SCARA5: variants seen among roughly 807,000 people sequenced by gnomAD.
The protein encoded by SCARA5 is scavenger receptor class A, member 5 (putative).
A neutral mutation model predicts 46.3 loss-of-function variants in SCARA5; 45 were observed. The ratio of observed to expected loss-of-function variants is 0.97; its 90% CI spans 0.76 to 1.24. SCARA5 has a LOEUF of 1.24. Among genes scored for constraint, SCARA5 ranks in the 50% most tolerant of loss-of-function variants. The probability of loss-of-function intolerance (pLI) is 0.00; values close to 1 mark genes in which losing one functional copy is unlikely to be tolerated. For synonymous variants in SCARA5, 333 were observed against 306.5 expected (o/e 1.09, Z -0.90); for missense variants, 680 against 689.0 (o/e 0.99, Z 0.15).
intron 2 of SCARA5, among the ~76,000 whole-genome samples, chr8:27,973,315 A>G (rs1423513640): frequency 1.3e-5 from 2 of 152,022 alleles, no homozygotes; most frequent in Non-Finnish European, 2.9e-5. Flanking sequence ...CATCTCTACT[A>G]AAAATACAAA....
At chr8:27,915,643 C>G (rs1807449428) in intron 4 of SCARA5, among the ~76,000 whole-genome samples, 1 of 152,192 alleles carries the variant, frequency 6.6e-6, no homozygotes, top group Non-Finnish European at 1.5e-5. Context: ...TGTGTTTTTT[C>G]TCACGAAATC....
At chr8:27,875,984 G>C (rs534673411) in intron 8 of SCARA5, among the ~76,000 whole-genome samples, 3 of 152,214 alleles carry the variant, frequency 2.0e-5, no homozygotes, top group Non-Finnish European at 4.4e-5. Flanking sequence ...GGTGACAGAG[G>C]GAGACCTCAT....
At chr8:27,934,471 GCAT>G (rs1807824710) in intron 3 of SCARA5, among the ~76,000 whole-genome samples, 1 of 152,188 alleles carries the variant, frequency 6.6e-6, no homozygotes, top group African/African-American at 2.4e-5. Flanking sequence ...AGCTCCAGGG[GCAT>G]CATGAGAAGA....
chr8:27,924,018 G>A (rs1022518462), intron 3 of SCARA5, among the ~76,000 whole-genome samples: 12 of 152,164 alleles, frequency 7.9e-5, no homozygotes, highest in African/African-American at 1.9e-4. Flanking sequence ...TGTCTTCATC[G>A]TTAGAATCTA....
In SCARA5 at chr8:27,961,572, G is replaced by A. The variant is rs183052781; in HGVS notation, c.241+4842C>T. Among the ~76,000 whole-genome samples the A allele has an allele frequency of 1.6e-4, 24 of 152,244 alleles. 1 individual carries two copies. The East Asian group carries it at 2.9e-3, about 18-fold the overall frequency. On this transcript the variant is annotated intron_variant, in intron 3 of 8. Coordinates refer to ENST00000354914, the MANE Select transcript of SCARA5 (RefSeq NM_173833.6). ...TATAGGGAGTACGCTGATTTCCCCC[G>A]TTTTCAGAGAAGGGAGTTCTTGGCC...
rs183536951 is a variant in SCARA5, at chr8:27,899,997, G to A, written c.1153+4781C>T. Among the ~76,000 whole-genome samples, 343 of 152,190 alleles carry A rather than the reference G, an allele frequency of 2.3e-3. 1 individual carries two copies. Among genetic ancestry groups the A allele is most frequent in the African/African-American group, 7.9e-3 (328 of 41,516 alleles). On this transcript the variant is annotated intron_variant, in intron 7 of 8. Transcript: ENST00000354914. ...TACTAAAAATACACAAATTAGCTGG[G>A]CATGATGGCATGCACCTGTAATCCC...
intron 6 of SCARA5, among the ~76,000 whole-genome samples, chr8:27,906,747 C>A (rs919268955): frequency 1.3e-5 from 2 of 152,200 alleles, no homozygotes; most frequent in Non-Finnish European, 2.9e-5. Flanking sequence ...TGCTCTGTCA[C>A]CCAGGGTGGT....
At chr8:27,897,130 A>G (rs1261450783) in intron 7 of SCARA5, among the ~76,000 whole-genome samples, 1 of 151,620 alleles carries the variant, frequency 6.6e-6, no homozygotes, top group African/African-American at 2.4e-5. Flanking sequence ...ATCCAGCCCC[A>G]GGGGAAGTAA....
rs138006617 is a variant in SCARA5 at position 27,980,584 on chromosome 8, C to A, written c.112+6920G>T. 5.4e-3 allele frequency among the ~76,000 whole-genome samples: 826 copies of A among 152,246 alleles called. 8 individuals carry two copies. The highest frequency in any genetic ancestry group is 0.019 in the African/African-American group (773 of 41,536). ...CCATGCCCGTCTGCATGGAAAGGCG[C>A]CCCTGGTGCCTCTGTACCCCCTCCC... On this transcript the variant is annotated intron_variant, in intron 2 of 8. Transcript: ENST00000354914.
At chr8:27,891,968 G>A (rs1806991060) in intron 7 of SCARA5, among the ~76,000 whole-genome samples, 2 of 152,240 alleles carry the variant, frequency 1.3e-5, no homozygotes, top group Admixed American at 1.3e-4. Flanking sequence ...CTCTCAACAG[G>A]CTGGTTGGGT....
intron 7 of SCARA5, among the ~76,000 whole-genome samples, chr8:27,900,519 C>A (rs1281681764): frequency 6.6e-6 from 1 of 152,160 alleles, no homozygotes; most frequent in South Asian, 2.1e-4. Flanking sequence ...GTGCTCTAAG[C>A]CATGAATGAT....
At chr8:27,954,300 T>G (rs1026442423) in intron 3 of SCARA5, among the ~76,000 whole-genome samples, 1 of 152,048 alleles carries the variant, frequency 6.6e-6, no homozygotes, top group African/African-American at 2.4e-5. Context: ...CTGTGACCTC[T>G]TAAAAGGGTG....
At chr8:27,951,138 G>T (rs1391112273) in intron 3 of SCARA5, among the ~76,000 whole-genome samples, 1 of 152,220 alleles carries the variant, frequency 6.6e-6, no homozygotes, top group Non-Finnish European at 1.5e-5. Flanking sequence ...AGCAGAATGG[G>T]TTTGAAATGC....
chr8:27,966,554 G>C lies in SCARA5; in HGVS notation c.113-12C>G. On this transcript the variant is annotated splice_polypyrimidine_tract_variant and intron_variant, in intron 2 of 8. Coordinates refer to ENST00000354914, the MANE Select transcript of SCARA5 (RefSeq NM_173833.6). The stretch of plus-strand genomic sequence containing the variant: ...TTTGTGACATGGACCTGGACAATAA[G>C]GGTAAGAGGAGGAAGGAAAGAAGAC... The C allele has an allele frequency of 6.3e-7, 1 of 1,589,388 alleles. No individual in the cohort carries two copies. Among genetic ancestry groups the C allele is most frequent in the Non-Finnish European group, 8.5e-7 (1 of 1,172,136 alleles).
At position 27,987,500 on chromosome 8, in the gene SCARA5, T is replaced by G; in HGVS notation, c.112+4A>C. ...TGCCCCAAGTCTGAGCCAGCTGCAC[T>G]CACCATCCTCACACAGGTTCAGCTT... On this transcript the variant is annotated splice_donor_region_variant and intron_variant, in intron 2 of 8. Transcript: ENST00000354914. 6.2e-7 allele frequency: 1 copy of G among 1,605,206 alleles called. No individual in the cohort carries two copies. The highest frequency in any genetic ancestry group is 8.5e-7 in the Non-Finnish European group (1 of 1,172,068).
chr8:27,966,373 C>T (rs775888666), intron 3 of SCARA5, 41 bp downstream of exon 3: 1 of 1,558,268 alleles, frequency 6.4e-7, no homozygotes, highest in South Asian at 1.2e-5. Flanking sequence ...GGTCTTCCTT[C>T]CTCATCCCAA....
In SCARA5 at chr8:27,980,764, T is replaced by C. The variant is rs115151503; in HGVS notation, c.112+6740A>G. ...GGACAGACACACATACGCCATAGAATCAGGAGCCCTCAGGGCCCAGTATTT... is the reference window on the plus strand; with the variant it reads ...GGACAGACACACATACGCCATAGAACCAGGAGCCCTCAGGGCCCAGTATTT... On this transcript the variant is annotated intron_variant, in intron 2 of 8. Transcript: ENST00000354914. 2.6e-3 allele frequency among the ~76,000 whole-genome samples: 392 copies of C among 152,248 alleles called. 3 individuals carry two copies. Among genetic ancestry groups the C allele is most frequent in the African/African-American group, 8.9e-3 (371 of 41,534 alleles).
rs34929623 is a variant in SCARA5 at position 27,989,129 on chromosome 8, C to CTTTTTTTTTTTTTTTTTTTTTTTTTTTT, written c.-15-1500_-15-1499insAAAAAAAAAAAAAAAAAAAAAAAAAAAA. 1.0e-4 allele frequency among the ~76,000 whole-genome samples: 7 copies of CTTTTTTTTTTTTTTTTTTTTTTTTTTTT among 68,310 alleles called. 1 individual carries two copies. The highest frequency in any genetic ancestry group is 1.9e-4 in the African/African-American group (3 of 16,208). The allele number at this position is 68,310 out of a possible 152,430, so 44.8% of individuals were successfully genotyped here. A position where few individuals can be genotyped will look rare whatever the true frequency, so the allele number is the denominator to read the frequency against. ...TTTTTTTTTTTCTGTTTCTTTCTTT[C>CTTTTTTTTTTTTTTTTTTTTTTTTTTTT]TTTTTTTTTTTTTTTTTTTTTTTTG... On this transcript the variant is annotated intron_variant, in intron 1 of 8. Coordinates refer to ENST00000354914, the MANE Select transcript of SCARA5 (RefSeq NM_173833.6).
chr8:27,931,270 A>G (rs1471726642), intron 3 of SCARA5, among the ~76,000 whole-genome samples: 1 of 152,148 alleles, frequency 6.6e-6, no homozygotes. Context: ...TGGGGGTTTA[A>G]TTCTCTGCTG....
Sources: gnomAD v4.1 joint callset for allele counts (sites outside exome capture counted in the v4.1 genomes callset) on GRCh38, gnomAD v4.1.1 for gene constraint, MANE v1.5 for transcripts, NCBI Gene and HGNC (gene_info 2026-07-23, HGNC 2026-07-21) for gene names.